ANAPC1: variants seen among roughly 807,000 people sequenced by gnomAD.
ANAPC1 encodes the protein anaphase promoting complex subunit 1.
ANAPC1 carries 36 observed loss-of-function variants against 208.0 expected under a neutral mutation model. The ratio of observed to expected loss-of-function variants is 0.17; its 90% CI spans 0.13 to 0.23. The LOEUF (loss-of-function observed/expected upper bound fraction) is 0.23, where lower values mean the gene tolerates loss of function less well. ANAPC1 is among the 10% of genes least tolerant of loss of function. The pLI is 1.00. For missense variants in ANAPC1, 942 were observed against 2,011.6 expected (o/e 0.47, Z 10.17); for synonymous variants, 378 against 695.2 (o/e 0.54, Z 7.18).
At chr2:111,868,875 G>C (rs1326410148) in intron 6 of ANAPC1, among the ~76,000 whole-genome samples, 2 of 151,994 alleles carry the variant, frequency 1.3e-5, no homozygotes, top group African/African-American at 4.8e-5. Flanking sequence ...TTAGAGCGAA[G>C]ACGGGCTTTC....
At chr2:111,875,259 T>C (rs1682962359) in intron 3 of ANAPC1, among the ~76,000 whole-genome samples, 1 of 152,228 alleles carries the variant, frequency 6.6e-6, no homozygotes, top group African/African-American at 2.4e-5. Flanking sequence ...AATTTTTTAA[T>C]TGGGTAGTTT....
Position 111,777,053 on chromosome 2 carries a change from A to G in ANAPC1, c.5390T>C (p.Ile1797Thr). 1 of 488,334 alleles carries G rather than the reference A, an allele frequency of 2.0e-6. No individual in the cohort carries two copies. The highest frequency in any genetic ancestry group is 3.7e-6 in the Non-Finnish European group (1 of 270,774). The allele number at this position is 488,334 out of a possible 1,614,324, so 30.3% of individuals were successfully genotyped here. ...CATTTCTCTTCTCCCAAGTCTTCTTATAGCCTTGAAGAGGAAAGAGGACAA... is the reference window on the plus strand; with the variant it reads ...CATTTCTCTTCTCCCAAGTCTTCTTGTAGCCTTGAAGAGGAAAGAGGACAA... ...LPAYIAMDQAIRRLGRREMSE... is the reference protein window; with the variant it reads ...LPAYIAMDQATRRLGRREMSE... The change falls in exon 46 of 48, where the codon ATA (isoleucine) becomes ACA (threonine). Residue 1797 changes from isoleucine (I) to threonine (T), a missense_variant. Ile to Thr is a moderately conservative substitution (Grantham distance 89). Transcript: ENST00000341068.
At chr2:111,833,345 T>C in intron 19 of ANAPC1, 34 bp from the exon 20 acceptor site, 1 of 1,535,210 alleles carries the variant, frequency 6.5e-7, no homozygotes, top group Non-Finnish European at 8.9e-7. Context: ...AAAGAAGGTA[T>C]TACAGCACTT....
chr2:111,847,855 A>C lies in ANAPC1; in HGVS notation c.1661T>G (p.Leu554Trp). 1 of 1,582,820 alleles carries C rather than the reference A, an allele frequency of 6.3e-7. No homozygotes were observed. Among genetic ancestry groups the C allele is most frequent in the East Asian group, 2.3e-5 (1 of 44,192 alleles). ...LLGSLDEVVL[L>W]SPVPELRDSS... ...ATCCCTCAGTTCTGGAACTGGGGACAACAGAACAACCTGTAAAAAGTTGTA... is the reference window on the plus strand; with the variant it reads ...ATCCCTCAGTTCTGGAACTGGGGACCACAGAACAACCTGTAAAAAGTTGTA... The change falls in exon 15 of 48, where the codon TTG (leucine) becomes TGG (tryptophan). Residue 554 changes from leucine to tryptophan, a missense_variant. Leu to Trp is a moderately conservative substitution (Grantham distance 61, BLOSUM62 -2). Coordinates refer to ENST00000341068, the MANE Select transcript of ANAPC1 (RefSeq NM_022662.4).
intron 9 of ANAPC1, among the ~76,000 whole-genome samples, chr2:111,862,857 G>A (rs1472845651): frequency 3.3e-5 from 5 of 151,590 alleles, no homozygotes; most frequent in East Asian, 1.9e-4. Flanking sequence ...CTTCTTTTTC[G>A]GAAAATGAAT....
chr2:111,810,876 C>T (rs1445345560), intron 28 of ANAPC1, among the ~76,000 whole-genome samples: 1 of 105,280 alleles, frequency 9.5e-6, no homozygotes, highest in African/African-American at 3.8e-5. Flanking sequence ...GGGTGAGACT[C>T]CACATCAAAA....
chr2:111,810,856 C>T (rs1407432721), intron 28 of ANAPC1, among the ~76,000 whole-genome samples: 2 of 125,562 alleles, frequency 1.6e-5, no homozygotes, highest in African/African-American at 3.2e-5. Flanking sequence ...GCACTCCAGC[C>T]TAGGTGACAG....
intron 7 of ANAPC1, among the ~76,000 whole-genome samples, chr2:111,865,434 C>T (rs1027735238): frequency 6.6e-6 from 1 of 152,054 alleles, no homozygotes; most frequent in Admixed American, 6.6e-5. Flanking sequence ...AGGTTTTTCC[C>T]AGTGAGTTCA....
intron 13 of ANAPC1, among the ~76,000 whole-genome samples, chr2:111,854,224 T>A (rs1029970119): frequency 6.6e-6 from 1 of 152,162 alleles, no homozygotes; most frequent in Admixed American, 6.5e-5. Flanking sequence ...GCACTGTCAA[T>A]GAGCGGTAAT....
chr2:111,869,717 C>T (rs150809843), intron 6 of ANAPC1, among the ~76,000 whole-genome samples: 7 of 152,284 alleles, frequency 4.6e-5, no homozygotes, highest in East Asian at 1.9e-4. Context: ...CTTACACTAA[C>T]GGTTGAGCAA....
Position 111,817,487 on chromosome 2 carries a change from G to GCTTT in ANAPC1, c.3325+1349_3325+1352dup, listed in dbSNP as rs564230795. On this transcript the variant is annotated intron_variant, in intron 27 of 47. Transcript: ENST00000341068. ...TAATTGTTAAAATTTTGCCATAGGT[G>GCTTT]CTTTACCTCTGAGACAATTTAAATA... Among the ~76,000 whole-genome samples, 646 of 151,950 alleles carry GCTTT rather than the reference G, an allele frequency of 4.3e-3. 2 individuals are homozygous for GCTTT. Among genetic ancestry groups the GCTTT allele is most frequent in the African/African-American group, 0.015 (625 of 41,498 alleles).
intron 34 of ANAPC1, among the ~76,000 whole-genome samples, chr2:111,798,603 T>C (rs1313035946): frequency 2.6e-5 from 4 of 152,106 alleles, no homozygotes; most frequent in African/African-American, 9.7e-5. Flanking sequence ...AAATGGTTTT[T>C]TTCATAGGAA....
chr2:111,865,247 A>G (rs1405589826), intron 7 of ANAPC1, among the ~76,000 whole-genome samples: 6 of 152,096 alleles, frequency 3.9e-5, no homozygotes, highest in Admixed American at 2.6e-4. Context: ...GCCACAGGTA[A>G]AAGGTCGATG....
chr2:111,880,982 TCATAA>T, intron 1 of ANAPC1, 133 bp from the exon 2 acceptor site: 1 of 827,096 alleles, frequency 1.2e-6, no homozygotes, highest in Non-Finnish European at 1.9e-6. Context: ...TATAAGTTGG[TCATAA>T]CATAAAAGGG....
In ANAPC1 at chr2:111,858,302, C is replaced by T; in HGVS notation, c.1358+4G>A. ...CAGAAACAATGGGAAAGACATACAC[C>T]TACCGTAACTGGAGCTGGGACTCTA... On this transcript the variant is annotated splice_donor_region_variant and intron_variant, in intron 11 of 47. Coordinates refer to ENST00000341068, the MANE Select transcript of ANAPC1 (RefSeq NM_022662.4). 1 of 1,608,874 alleles carries T rather than the reference C, an allele frequency of 6.2e-7. No homozygotes were observed. The highest frequency in any genetic ancestry group is 8.5e-7 in the Non-Finnish European group (1 of 1,175,812).
intron 44 of ANAPC1, chr2:111,779,818 G>A (rs1306942478): frequency 4.4e-6 from 1 of 228,478 alleles, no homozygotes; most frequent in African/African-American, 2.4e-5. Flanking sequence ...ACTCCAGCCT[G>A]GGCAACAGAA....
chr2:111,834,159 G>A (rs1180933272), intron 19 of ANAPC1, among the ~76,000 whole-genome samples: 1 of 152,140 alleles, frequency 6.6e-6, no homozygotes, highest in Non-Finnish European at 1.5e-5. Flanking sequence ...TCGCATCCCA[G>A]GAAAGACATT....
Position 111,869,914 on chromosome 2 carries a change from T to C in ANAPC1, c.612-1818A>G, listed in dbSNP as rs540135254. 3.1e-3 allele frequency among the ~76,000 whole-genome samples: 473 copies of C among 152,318 alleles called. 23 individuals are homozygous for C. The South Asian group carries it at 0.095, about 30-fold the overall frequency. ...CCAAAGTCCATCATAACACTCTGTA[T>C]ATAGCCTCTGCATACTCCTTGCTTA... On this transcript the variant is annotated intron_variant, in intron 6 of 47. Coordinates refer to ENST00000341068, the MANE Select transcript of ANAPC1 (RefSeq NM_022662.4).
At chr2:111,859,372 G>A (rs1681927148) in intron 10 of ANAPC1, among the ~76,000 whole-genome samples, 1 of 152,064 alleles carries the variant, frequency 6.6e-6, no homozygotes, top group Non-Finnish European at 1.5e-5. Context: ...TCGGGAGGCT[G>A]AGGCAGGATA....
Sources: allele counts gnomAD v4.1 joint callset (sites outside exome capture counted in the v4.1 genomes callset), GRCh38; gene constraint gnomAD v4.1.1; transcripts MANE v1.5; gene names NCBI Gene and HGNC (gene_info 2026-07-23, HGNC 2026-07-21).